Variants in FRMPD1 observed in about 807,000 individuals in gnomAD.
FRMPD1 encodes the protein FERM and PDZ domain-containing protein 1.
FRMPD1 carries 76 observed loss-of-function variants against 117.8 expected under a neutral mutation model. The observed-to-expected ratio is 0.65, with a 90% CI of 0.54 to 0.78. The LOEUF (loss-of-function observed/expected upper bound fraction) is 0.78, where lower values mean the gene tolerates loss of function less well. FRMPD1 is among the 30% of genes least tolerant of loss of function. The probability of loss-of-function intolerance (pLI) is 0.00; values close to 1 mark genes in which losing one functional copy is unlikely to be tolerated. For synonymous variants in FRMPD1, 783 were observed against 770.4 expected, an observed-to-expected ratio of 1.02 and a Z score of -0.27; for missense variants, 1,786 against 1,964.5, an observed-to-expected ratio of 0.91 and a Z score of 1.72.
rs199593687 is a variant in FRMPD1, at chr9:37,746,413, C to T, written c.4381C>T (p.Arg1461Cys). Reference sequence around the variant, plus strand: ...CTGGCACTTTACCGAAAGCCGGAGCCGCCTCTGCATGGGCTCCCAGAAGCT... The same window carrying T: ...CTGGCACTTTACCGAAAGCCGGAGCTGCCTCTGCATGGGCTCCCAGAAGCT... ...CTWHFTESRS[R>C]LCMGSQKLLS... Residue 1461 changes from arginine to cysteine, a missense_variant, in exon 16 of 16, where the codon CGC becomes TGC. Coordinates refer to ENST00000377765, the MANE Select transcript of FRMPD1 (RefSeq NM_014907.3). The T allele has an allele frequency of 5.0e-5, 81 of 1,613,408 alleles. 1 individual carries two copies. The Middle Eastern group carries it at 6.6e-4, about 13-fold the overall frequency.
rs150961810 is a variant in FRMPD1, at chr9:37,699,688, A to C, written c.101+6946A>C. ...TTTATAGAGCGAGATCTAAAGAAGC[A>C]TAAAGAACTTAATGTGACATCGTGC... On this transcript the variant is annotated intron_variant, in intron 2 of 15. Coordinates refer to ENST00000377765, the MANE Select transcript of FRMPD1 (RefSeq NM_014907.3). Among the ~76,000 whole-genome samples the C allele has an allele frequency of 5.1e-3, 776 of 152,362 alleles. 12 individuals carry two copies. Among genetic ancestry groups the C allele is most frequent in the African/African-American group, 0.018 (741 of 41,584 alleles).
chr9:37,641,637 T>A, the FRMPD1 span, among the ~76,000 whole-genome samples: 1 of 152,308 alleles, frequency 6.6e-6, no homozygotes, highest in South Asian at 2.1e-4. Context: ...AAAACATGAA[T>A]AAAGCCTTGT....
At chr9:37,639,195 G>C in the FRMPD1 span, among the ~76,000 whole-genome samples, 1 of 152,308 alleles carries the variant, frequency 6.6e-6, no homozygotes, top group African/African-American at 2.4e-5. Flanking sequence ...CCTTGGATCA[G>C]GTTGGACACA....
the FRMPD1 span, among the ~76,000 whole-genome samples, chr9:37,631,322 G>A: frequency 1.3e-5 from 2 of 152,244 alleles, no homozygotes; most frequent in Admixed American, 6.5e-5. Flanking sequence ...CTGGAAACCA[G>A]CAGGATAGGC....
At chr9:37,642,074 A>C in the FRMPD1 span, among the ~76,000 whole-genome samples, 2 of 152,234 alleles carry the variant, frequency 1.3e-5, no homozygotes, top group South Asian at 4.1e-4. Flanking sequence ...TATTGGAGTG[A>C]GAAAGACAAT....
intron 13 of FRMPD1, among the ~76,000 whole-genome samples, chr9:37,736,564 G>T (rs1425931611): frequency 3.3e-5 from 5 of 151,268 alleles, no homozygotes. Context: ...ACTAGTGCAG[G>T]GTACCTCCTG....
intron 6 of FRMPD1, among the ~76,000 whole-genome samples, chr9:37,721,525 C>G (rs1161053838): frequency 6.6e-6 from 1 of 152,090 alleles, no homozygotes; most frequent in Non-Finnish European, 1.5e-5. Flanking sequence ...AGCCCTGATG[C>G]TGAGAAAGTA....
chr9:37,624,692 T>G, the FRMPD1 span, among the ~76,000 whole-genome samples: 1 of 152,196 alleles, frequency 6.6e-6, no homozygotes, highest in South Asian at 2.1e-4. Context: ...GATACAGGAA[T>G]AAAACTGTTT....
At chr9:37,669,578 C>T (rs1045637807) in intron 1 of FRMPD1, among the ~76,000 whole-genome samples, 9 of 152,140 alleles carry the variant, frequency 5.9e-5, no homozygotes, top group East Asian at 1.9e-4. Flanking sequence ...TTTTCTTTAC[C>T]GAAGAGAGAG....
At chr9:37,706,282 G>C (rs1822702755) in intron 2 of FRMPD1, among the ~76,000 whole-genome samples, 1 of 152,268 alleles carries the variant, frequency 6.6e-6, no homozygotes, top group African/African-American at 2.4e-5. Context: ...TTGGCTCTGT[G>C]AGACAGTTTT....
the FRMPD1 span, among the ~76,000 whole-genome samples, chr9:37,617,054 C>G: frequency 6.6e-6 from 1 of 152,236 alleles, no homozygotes; most frequent in Non-Finnish European, 1.5e-5. Context: ...TTATTGAGCA[C>G]CCACACTATG....
intron 4 of FRMPD1, among the ~76,000 whole-genome samples, chr9:37,709,275 GAT>G (rs146234911): frequency 1.7e-4 from 25 of 149,512 alleles, no homozygotes; most frequent in Admixed American, 2.0e-4. Context: ...AACTTGAAGA[GAT>G]ATATATATAT....
the FRMPD1 span, among the ~76,000 whole-genome samples, chr9:37,645,507 C>T: frequency 6.6e-6 from 1 of 151,804 alleles, no homozygotes. Context: ...TCCTGCCCTA[C>T]CACTAAAAAA....
chr9:37,661,383 A>G (rs1820997774), intron 1 of FRMPD1, among the ~76,000 whole-genome samples: 1 of 152,226 alleles, frequency 6.6e-6, no homozygotes, highest in Non-Finnish European at 1.5e-5. Flanking sequence ...AGAAAAGAAG[A>G]TACAGGGAGG....
the FRMPD1 span, among the ~76,000 whole-genome samples, chr9:37,642,301 A>G: frequency 6.6e-6 from 1 of 152,200 alleles, no homozygotes; most frequent in African/African-American, 2.4e-5. Flanking sequence ...TTAAAAATAC[A>G]TAGCATCTAA....
chr9:37,623,784 C>T, the FRMPD1 span, among the ~76,000 whole-genome samples: 1 of 151,976 alleles, frequency 6.6e-6, no homozygotes, highest in African/African-American at 2.4e-5. Context: ...TCTACTAAGA[C>T]CATCACAAAA....
chr9:37,615,090 C>G, the FRMPD1 span, among the ~76,000 whole-genome samples: 5 of 152,048 alleles, frequency 3.3e-5, no homozygotes, highest in African/African-American at 9.7e-5. Flanking sequence ...GGGTTGCTAC[C>G]TTTTCTAGTC....
Position 37,729,848 on chromosome 9 carries a change from C to CA in FRMPD1, c.734dup (p.Gln246AlafsTer10). The CA allele has an allele frequency of 6.2e-7, 1 of 1,613,408 alleles. No individual in the cohort carries two copies. Among genetic ancestry groups the CA allele is most frequent in the Non-Finnish European group, 8.5e-7 (1 of 1,179,774 alleles). ...CCTGCTGCACGAAGAGGAACTCATCCAGCAGGTAGGGAGGACTGACCGCCT... is the reference window on the plus strand; with the variant it reads ...CCTGCTGCACGAAGAGGAACTCATCCAAGCAGGTAGGGAGGACTGACCGCCT... On this transcript the variant is annotated frameshift_variant, in exon 8 of 16. Coordinates refer to ENST00000377765, the MANE Select transcript of FRMPD1 (RefSeq NM_014907.3). LOFTEE classifies it high-confidence loss of function.
chr9:37,707,373 A>G (rs745444601), intron 2 of FRMPD1, 43 bp from the exon 3 acceptor site: 26 of 1,580,382 alleles, frequency 1.6e-5, no homozygotes, highest in Non-Finnish European at 2.0e-5. Flanking sequence ...ACCAACAACT[A>G]GAGTCTTCTC....
Sources: allele counts gnomAD v4.1 joint callset (sites outside exome capture counted in the v4.1 genomes callset), GRCh38; gene constraint gnomAD v4.1.1; transcripts MANE v1.5; gene names NCBI Gene and HGNC (gene_info 2026-07-23, HGNC 2026-07-21).